MYLK: variants seen among roughly 807,000 people sequenced by gnomAD.
MYLK encodes myosin light chain kinase, smooth muscle.
MYLK carries 106 observed loss-of-function variants against 203.4 expected under a neutral mutation model. That is an observed-to-expected ratio of 0.52 (90% CI 0.45 to 0.61). The LOEUF is 0.61. Ranked by LOEUF, MYLK falls within the 20% of genes least tolerant of loss-of-function variation. MYLK has a pLI of 0.00. For synonymous variants in MYLK, 867 were observed against 959.5 expected (o/e 0.90, Z 1.78); for missense variants, 2,072 against 2,442.3 (o/e 0.85, Z 3.20).
chr3:123,759,573 C>T (rs2063469373), intron 4 of MYLK, among the ~76,000 whole-genome samples: 2 of 152,216 alleles, frequency 1.3e-5, no homozygotes, highest in African/African-American at 4.8e-5. Context: ...CCTCCCTTTC[C>T]ACCCATTATG....
At chr3:123,837,070 G>A (rs143179208) in intron 2 of MYLK, among the ~76,000 whole-genome samples, 39 of 152,080 alleles carry the variant, frequency 2.6e-4, no homozygotes, top group Non-Finnish European at 4.3e-4. Context: ...ACGGAGTTTC[G>A]CTCTTGTTGC....
In MYLK at chr3:123,861,586, T is replaced by C. The variant is rs970388806; in HGVS notation, c.-127+14973A>G. Among the ~76,000 whole-genome samples the C allele has an allele frequency of 3.3e-5, 5 of 152,354 alleles. No individual in the cohort carries two copies. The South Asian group carries it at 6.2e-4, about 19-fold the overall frequency. On this transcript the variant is annotated intron_variant, in intron 2 of 33. Coordinates refer to ENST00000360304, the MANE Select transcript of MYLK (RefSeq NM_053025.4). ...AACCCTTGTAGAAAGCATTTATCCA[T>C]ATGACTCTGCCCAAGCTGTCTTTGG...
intron 4 of MYLK, among the ~76,000 whole-genome samples, chr3:123,779,992 C>T (rs1397589902): frequency 1.3e-5 from 2 of 152,170 alleles, no homozygotes; most frequent in East Asian, 3.9e-4. Context: ...CTGTTTATTG[C>T]ATGAGTACAA....
intron 16 of MYLK, 82 bp downstream of exon 16, chr3:123,707,672 T>C: frequency 6.2e-7 from 1 of 1,608,938 alleles, no homozygotes; most frequent in Non-Finnish European, 8.5e-7. Flanking sequence ...TTGTGCTTCT[T>C]CTGGCTGCCC....
chr3:123,852,512 T>C (rs1325025352), intron 2 of MYLK, among the ~76,000 whole-genome samples: 3 of 152,228 alleles, frequency 2.0e-5, no homozygotes, highest in Non-Finnish European at 4.4e-5. Context: ...CTAGTTTATT[T>C]GTGTAGAGGT....
At chr3:123,687,950 C>T (rs1393953395) in intron 19 of MYLK, among the ~76,000 whole-genome samples, 1 of 152,172 alleles carries the variant, frequency 6.6e-6, no homozygotes, top group African/African-American at 2.4e-5. Context: ...CAGGTGTGAG[C>T]CACCACACCT....
chr3:123,707,785 A>AG lies in MYLK; in HGVS notation c.2358dup (p.Trp787LeufsTer7), dbSNP rs1208096279. Reference sequence around the variant, plus strand: ...AGGATCTCATACTGGCCGGCATGCCAGGGCTGCACCTTCTTTAGAACCAGG... The same window carrying AG: ...AGGATCTCATACTGGCCGGCATGCCAGGGGCTGCACCTTCTTTAGAACCAGG... On this transcript the variant is annotated frameshift_variant, in exon 16 of 34. Coordinates refer to ENST00000360304, the MANE Select transcript of MYLK (RefSeq NM_053025.4). LOFTEE classifies it high-confidence loss of function. 1 of 1,614,222 alleles carries AG rather than the reference A, an allele frequency of 6.2e-7. No individual in the cohort carries two copies. The highest frequency in any genetic ancestry group is 2.2e-5 in the East Asian group (1 of 44,882).
chr3:123,780,417 G>C (rs1185412386), intron 4 of MYLK, among the ~76,000 whole-genome samples: 1 of 152,172 alleles, frequency 6.6e-6, no homozygotes, highest in East Asian at 1.9e-4. Flanking sequence ...CTGGGCAACA[G>C]AGCGAGATTC....
chr3:123,725,232 T>C (rs545362495), intron 12 of MYLK, among the ~76,000 whole-genome samples: 28 of 152,300 alleles, frequency 1.8e-4, no homozygotes, highest in African/African-American at 6.5e-4. Context: ...GCAGGGGCTC[T>C]TTCACCCTCC....
intron 2 of MYLK, among the ~76,000 whole-genome samples, chr3:123,839,262 T>G (rs2066538360): frequency 2.0e-5 from 3 of 152,224 alleles, no homozygotes; most frequent in South Asian, 2.1e-4. Flanking sequence ...AATTAAAGAT[T>G]GTTAGACTGT....
chr3:123,670,723 CAGAG>C (rs1175183756), intron 20 of MYLK, among the ~76,000 whole-genome samples: 1 of 152,084 alleles, frequency 6.6e-6, no homozygotes, highest in Admixed American at 6.6e-5. Flanking sequence ...GCCTGGGTGA[CAGAG>C]AGAGACCTTA....
intron 2 of MYLK, among the ~76,000 whole-genome samples, chr3:123,854,391 A>T (rs930204053): frequency 2.6e-5 from 4 of 152,036 alleles, no homozygotes; most frequent in African/African-American, 9.7e-5. Context: ...AATCTGCACC[A>T]TCTTGCTATT....
chr3:123,833,106 T>C (rs980076506), intron 2 of MYLK, among the ~76,000 whole-genome samples: 7 of 152,106 alleles, frequency 4.6e-5, no homozygotes, highest in African/African-American at 4.8e-5. Flanking sequence ...CAGGTGCTCT[T>C]TTCCACCTGG....
intron 4 of MYLK, among the ~76,000 whole-genome samples, chr3:123,786,197 G>A (rs2064515212): frequency 6.6e-6 from 1 of 151,852 alleles, no homozygotes; most frequent in Non-Finnish European, 1.5e-5. Flanking sequence ...CAGCTACTCA[G>A]GAGGCTGAGG....
chr3:123,720,438 G>C (rs1340754202), intron 13 of MYLK, among the ~76,000 whole-genome samples: 1 of 151,682 alleles, frequency 6.6e-6, no homozygotes, highest in East Asian at 1.9e-4. Flanking sequence ...GCTGAGCCAC[G>C]GCGGCTCTAC....
intron 18 of MYLK, among the ~76,000 whole-genome samples, chr3:123,695,182 G>A (rs1337736671): frequency 6.6e-6 from 1 of 152,220 alleles, no homozygotes; most frequent in African/African-American, 2.4e-5. Flanking sequence ...CAGCCCACCT[G>A]GCAAGCCCAG....
At chr3:123,688,608 T>C (rs888265642) in intron 19 of MYLK, among the ~76,000 whole-genome samples, 1 of 152,152 alleles carries the variant, frequency 6.6e-6, no homozygotes, top group Non-Finnish European at 1.5e-5. Context: ...AAATCTCATT[T>C]TTTTTGTCCT....
At chr3:123,681,542 G>C (rs1048294685) in intron 20 of MYLK, 1 of 153,480 alleles carries the variant, frequency 6.5e-6, no homozygotes, top group African/African-American at 2.4e-5. Flanking sequence ...AGGGATGAGA[G>C]ACTTTTCAGA....
intron 1 of MYLK, among the ~76,000 whole-genome samples, chr3:123,878,663 G>A (rs2033310191): frequency 6.6e-6 from 1 of 152,160 alleles, no homozygotes; most frequent in Non-Finnish European, 1.5e-5. Flanking sequence ...GTAGTGATGA[G>A]AACTCTGGCT....
Sources: gnomAD v4.1 joint callset for allele counts (sites outside exome capture counted in the v4.1 genomes callset) on GRCh38, gnomAD v4.1.1 for gene constraint, MANE v1.5 for transcripts, NCBI Gene and HGNC (gene_info 2026-07-23, HGNC 2026-07-21) for gene names.